Variants in SHOC2 observed in about 807,000 individuals in gnomAD.
SHOC2 encodes the protein SHOC2 leucine rich repeat scaffold protein.
Under a neutral mutation model 50.2 loss-of-function variants are expected in SHOC2, and 4 were observed. That is an observed-to-expected ratio of 0.08 (90% confidence interval 0.04 to 0.18). SHOC2 has a LOEUF of 0.18. Among genes scored for constraint, SHOC2 ranks in the 10% least tolerant of loss-of-function variants. The pLI is 1.00. For missense variants in SHOC2, 388 were observed against 669.6 expected (o/e 0.58, Z 4.64); for synonymous variants, 218 against 244.5 (o/e 0.89, Z 1.01).
intron 1 of SHOC2, among the ~76,000 whole-genome samples, chr10:110,961,195 G>A (rs1452966917): frequency 6.6e-6 from 1 of 152,104 alleles, no homozygotes; most frequent in African/African-American, 2.4e-5. Context: ...TTTTGAGACT[G>A]GGTACTGTGT....
Position 110,964,525 on chromosome 10 carries a change from A to G in SHOC2, c.167A>G (p.Asp56Gly). 1 of 1,614,014 alleles carries G rather than the reference A, an allele frequency of 6.2e-7. No individual in the cohort carries two copies. The highest frequency in any genetic ancestry group is 8.5e-7 in the Non-Finnish European group (1 of 1,179,978). The change falls in exon 2 of 9, where the codon GAC becomes GGC. Residue 56 changes from aspartate to glycine, a missense_variant. By Grantham distance (94) the Asp-to-Gly change is moderately conservative. Transcript: ENST00000369452. The surrounding 1 kb of genome is among the most constrained non-coding windows in gnomAD (Gnocchi z 4.9). ...KGKDAKDGKK[D>G]SSAAQPGVAF... ...AAAGATGCCAAAGATGGAAAGAAGGACTCCAGTGCTGCCCAACCAGGGGTG... is the reference window on the plus strand; with the variant it reads ...AAAGATGCCAAAGATGGAAAGAAGGGCTCCAGTGCTGCCCAACCAGGGGTG...
At chr10:110,991,037 C>T (rs1013649165) in intron 3 of SHOC2, among the ~76,000 whole-genome samples, 1 of 152,158 alleles carries the variant, frequency 6.6e-6, no homozygotes, top group South Asian at 2.1e-4. Context: ...TTTGCCTGCT[C>T]CTTCAACTGA....
intron 2 of SHOC2, among the ~76,000 whole-genome samples, chr10:110,970,533 C>G (rs548794443): frequency 3.9e-5 from 6 of 152,138 alleles, no homozygotes; most frequent in Non-Finnish European, 8.8e-5. Context: ...GATTTCCTTT[C>G]CTTTGGATAT....
intron 2 of SHOC2, among the ~76,000 whole-genome samples, chr10:110,968,816 A>G (rs1291082134): frequency 2.0e-5 from 3 of 152,038 alleles, no homozygotes; most frequent in Non-Finnish European, 4.4e-5. Flanking sequence ...AATAAAAATA[A>G]TTTTTTTAAA....
chr10:110,933,232 T>C (rs1246629711), intron 1 of SHOC2, among the ~76,000 whole-genome samples: 1 of 152,244 alleles, frequency 6.6e-6, no homozygotes, highest in East Asian at 1.9e-4. Flanking sequence ...TTTCTAATTA[T>C]GAAAGGAGTG....
chr10:110,955,530 T>G (rs992771245), intron 1 of SHOC2, among the ~76,000 whole-genome samples: 4 of 152,180 alleles, frequency 2.6e-5, no homozygotes, highest in Admixed American at 2.6e-4. Context: ...TAAAAGACAT[T>G]TATTGAGGTC....
At chr10:111,006,571 C>T (rs1332606189) in intron 5 of SHOC2, among the ~76,000 whole-genome samples, 2 of 152,200 alleles carry the variant, frequency 1.3e-5, no homozygotes, top group African/African-American at 2.4e-5. Context: ...GGGGTTTCAC[C>T]GTTTTAGCCG....
chr10:110,955,272 G>T (rs1178246547), intron 1 of SHOC2, among the ~76,000 whole-genome samples: 1 of 152,140 alleles, frequency 6.6e-6, no homozygotes, highest in Non-Finnish European at 1.5e-5. Context: ...GAGAGTAGAC[G>T]ATTTGTGATT....
rs374203857 is a variant in SHOC2, at chr10:110,922,753, G to A, written c.-235+3096G>A. ...TTCTGAGATTTATAACTTAGACTTG[G>A]AAGAATTTTGCTACTCGTTTATAAA... On this transcript the variant is annotated intron_variant, in intron 1 of 8. Coordinates refer to ENST00000369452, the MANE Select transcript of SHOC2 (RefSeq NM_007373.4). Among the ~76,000 whole-genome samples the A allele has an allele frequency of 3.2e-3, 486 of 152,130 alleles. 26 individuals are homozygous for A. In the South Asian group the frequency reaches 0.093, roughly 29 times the overall value.
intron 2 of SHOC2, among the ~76,000 whole-genome samples, chr10:110,984,052 T>C (rs1848033373): frequency 6.6e-6 from 1 of 152,216 alleles, no homozygotes; most frequent in African/African-American, 2.4e-5. Context: ...GATTATATGG[T>C]AATTTTATGT....
At chr10:110,930,817 C>T (rs1297681932) in intron 1 of SHOC2, among the ~76,000 whole-genome samples, 2 of 134,316 alleles carry the variant, frequency 1.5e-5, no homozygotes, top group Non-Finnish European at 3.1e-5. Flanking sequence ...TGACGTTTAC[C>T]ATTATATCTT....
rs1235668007 is a variant in SHOC2, at chr10:111,013,210, A to C, written c.*1392A>C. On this transcript the variant is annotated 3_prime_UTR_variant, in exon 9 of 9. Coordinates refer to ENST00000369452, the MANE Select transcript of SHOC2 (RefSeq NM_007373.4). The stretch of plus-strand genomic sequence containing the variant: ...GTCTAAGTCAATTTGATTATTGAGG[A>C]GTCTCAGAGCAAGGTGCGTTCTAGA... The C allele has an allele frequency of 6.6e-6, 1 of 152,124 alleles. No homozygotes were observed. The highest frequency in any genetic ancestry group is 1.5e-5 in the Non-Finnish European group (1 of 68,004). The allele number at this position is 152,124 out of a possible 1,614,324, so 9.4% of individuals were successfully genotyped here. A position where few individuals can be genotyped will look rare whatever the true frequency, so the allele number is the denominator to read the frequency against.
In SHOC2 at chr10:110,958,381, T is replaced by G. The variant is rs372549946; in HGVS notation, c.-234-5744T>G. On this transcript the variant is annotated intron_variant, in intron 1 of 8. Transcript: ENST00000369452. ...GGTGTGCACCACCACGCCCAGCTAATTTTTGTATTTTTAATAGAGACGGGG... is the reference window on the plus strand; with the variant it reads ...GGTGTGCACCACCACGCCCAGCTAAGTTTTGTATTTTTAATAGAGACGGGG... 3.2e-3 allele frequency among the ~76,000 whole-genome samples: 481 copies of G among 152,148 alleles called. 26 individuals carry two copies. In the South Asian group the frequency reaches 0.092, roughly 29 times the overall value.
intron 2 of SHOC2, among the ~76,000 whole-genome samples, chr10:110,984,428 A>G (rs1264763163): frequency 6.6e-6 from 1 of 152,168 alleles, no homozygotes; most frequent in Non-Finnish European, 1.5e-5. Flanking sequence ...TATGATTTGC[A>G]TATATTTTCT....
chr10:110,975,154 G>C (rs984222401), intron 2 of SHOC2, among the ~76,000 whole-genome samples: 2 of 149,950 alleles, frequency 1.3e-5, no homozygotes, highest in Non-Finnish European at 3.0e-5. Context: ...AGAATCCCAT[G>C]TTACTTTTTT....
At chr10:110,923,357 A>G (rs918115590) in intron 1 of SHOC2, among the ~76,000 whole-genome samples, 8 of 152,074 alleles carry the variant, frequency 5.3e-5, no homozygotes, top group Non-Finnish European at 2.9e-5. Context: ...GTTCTAAAAT[A>G]TATAATTGAA....
chr10:110,946,039 T>G (rs1847240178), intron 1 of SHOC2, among the ~76,000 whole-genome samples: 1 of 152,122 alleles, frequency 6.6e-6, no homozygotes, highest in South Asian at 2.1e-4. Context: ...GAACTGCATC[T>G]TTGTGGGATT....
intron 1 of SHOC2, among the ~76,000 whole-genome samples, chr10:110,935,565 A>G (rs908221139): frequency 1.3e-5 from 2 of 152,180 alleles, no homozygotes; most frequent in Non-Finnish European, 2.9e-5. Context: ...TTTCATTTTC[A>G]TCCATTCAAA....
chr10:110,936,180 T>G (rs1311202595), intron 1 of SHOC2, among the ~76,000 whole-genome samples: 1 of 148,460 alleles, frequency 6.7e-6, no homozygotes, highest in Admixed American at 6.8e-5. Flanking sequence ...CACTGCAACC[T>G]CCGCCTCCTG....
Sources: gnomAD v4.1 joint callset for allele counts (sites outside exome capture counted in the v4.1 genomes callset) on GRCh38, gnomAD v4.1.1 for gene constraint, Gnocchi (gnomAD v3.1) non-coding constraint, MANE v1.5 for transcripts, NCBI Gene and HGNC (gene_info 2026-07-23, HGNC 2026-07-21) for gene names.